Variants in PTGS2 observed in about 807,000 individuals in gnomAD.
PTGS2 encodes the protein prostaglandin-endoperoxide synthase 2.
A neutral mutation model predicts 63.8 loss-of-function variants in PTGS2; 14 were observed. The ratio of observed to expected loss-of-function variants is 0.22; its 90% confidence interval spans 0.14 to 0.34. PTGS2 has a LOEUF of 0.34. Ranked by LOEUF, PTGS2 falls within the 10% of genes least tolerant of loss-of-function variation. The pLI is 1.00. For synonymous variants in PTGS2, 271 were observed against 259.5 expected (o/e 1.04, Z -0.43); for missense variants, 533 against 738.5 (o/e 0.72, Z 3.23).
rs990175499 is a variant in PTGS2, at chr1:186,674,904, C to T, written c.1406-142G>A. On this transcript the variant is annotated intron_variant, in intron 9 of 9. Transcript: ENST00000367468. ...TCTTTTAAGAAGTTTAGGGGCCAGGCGCGGTGGCTCACGCCTGTAATCCCA... is the reference window on the plus strand; with the variant it reads ...TCTTTTAAGAAGTTTAGGGGCCAGGTGCGGTGGCTCACGCCTGTAATCCCA... 9 of 1,043,324 alleles carry T rather than the reference C, an allele frequency of 8.6e-6. No individual in the cohort carries two copies. The African/African-American group carries it at 9.7e-5, about 11-fold the overall frequency. The allele number at this position is 1,043,324 out of a possible 1,614,324, so 64.6% of individuals were successfully genotyped here.
intron 5 of PTGS2, 82 bp downstream of exon 5, chr1:186,677,567 A>ATC: frequency 7.7e-7 from 1 of 1,293,120 alleles, no homozygotes; most frequent in African/African-American, 1.5e-5. Context: ...GGATCTATCT[A>ATC]TCTGTATATC....
At position 186,676,826 on chromosome 1, in the gene PTGS2, A is replaced by G. The variant is rs71634189; in HGVS notation, c.723+7T>C. 2.2e-5 allele frequency: 35 copies of G among 1,609,226 alleles called. No individual in the cohort carries two copies. Among genetic ancestry groups the G allele is most frequent in the Non-Finnish European group, 2.8e-5 (33 of 1,178,182 alleles). ...TAACTAAGTCTTAATAGTCAAAGGA[A>G]GCATACCTGATATTTCATTTTTCCA... On this transcript the variant is annotated splice_region_variant and intron_variant, in intron 6 of 9. Coordinates refer to ENST00000367468, the MANE Select transcript of PTGS2 (RefSeq NM_000963.4).
At chr1:186,679,015 T>G in intron 3 of PTGS2, 43 bp downstream of exon 3, 1 of 1,580,688 alleles carries the variant, frequency 6.3e-7, no homozygotes, top group Non-Finnish European at 8.6e-7. Flanking sequence ...AGCATATTTT[T>G]CTTTGAGAAG....
chr1:186,676,705 A>G lies in PTGS2; in HGVS notation c.732T>C (p.Asp244=), dbSNP rs201616417. The G allele has an allele frequency of 1.5e-4, 235 of 1,604,816 alleles. No homozygotes were observed. Among genetic ancestry groups the G allele is most frequent in the Non-Finnish European group, 1.9e-4 (228 of 1,176,688 alleles). Residue 244 remains aspartate, a synonymous_variant, in exon 7 of 10, where the codon GAT becomes GAC. Transcript: ENST00000367468. ...KDGKMKYQII[D]GEMYPPTVKD... ...TGACTGTGGGAGGATACATCTCTCC[A>G]TCAATTATCTAAAAAAATAAATAAA...
intron 9 of PTGS2, 42 bp downstream of exon 9, chr1:186,675,199 AAAACAAAC>A: frequency 1.3e-6 from 2 of 1,597,156 alleles, no homozygotes; most frequent in East Asian, 2.2e-5. Context: ...AAAAACAACA[AAAACAAAC>A]AAACAAACAA....
At position 186,679,079 on chromosome 1, in the gene PTGS2, T is replaced by C. The variant is rs747123567; in HGVS notation, c.292A>G (p.Ile98Val). The C allele has an allele frequency of 6.2e-7, 1 of 1,614,036 alleles. No individual in the cohort carries two copies. Among genetic ancestry groups the C allele is most frequent in the Non-Finnish European group, 8.5e-7 (1 of 1,179,956 alleles). The change falls in exon 3 of 10, where the codon ATT becomes GTT. Residue 98 changes from isoleucine to valine, a missense_variant. By Grantham distance (29) the Ile-to-Val change is conservative. Around this residue, in one of 5 missense-constraint regions of PTGS2, gnomAD observed 118 missense variants for 144.6 expected, o/e 0.82. Transcript: ENST00000367468. ...TTACATGTCAACACATAACTCATAA[T>C]TGCATTTCGAAGGAAGGGAATGTTA... ...VNNIPFLRNA[I>V]MSYVLTSRSH... is the part of the protein sequence containing the mutation.
At chr1:186,677,960 A>T in intron 4 of PTGS2, 130 bp from the exon 5 acceptor site, 1 of 884,934 alleles carries the variant, frequency 1.1e-6, no homozygotes, top group Non-Finnish European at 1.7e-6. Context: ...AATATAAACA[A>T]CAGTTCTAAG....
At chr1:186,678,995 A>C in intron 3 of PTGS2, 63 bp downstream of exon 3, 1 of 1,503,732 alleles carries the variant, frequency 6.7e-7, no homozygotes, top group Non-Finnish European at 9.0e-7. Context: ...TTAGGCTTAC[A>C]GTATTATAAA....
intron 9 of PTGS2, 31 bp from the exon 10 acceptor site, chr1:186,674,793 C>G: frequency 6.5e-7 from 1 of 1,547,258 alleles, no homozygotes; most frequent in Non-Finnish European, 8.7e-7. Context: ...GAGATACAAC[C>G]AATGTCAAAC....
Position 186,672,200 on chromosome 1 carries a change from T to A in PTGS2, c.*2153A>T, listed in dbSNP as rs1432382992. 6.6e-6 allele frequency: 1 copy of A among 152,098 alleles called. No individual in the cohort carries two copies. The highest frequency in any genetic ancestry group is 1.5e-5 in the Non-Finnish European group (1 of 67,976). The allele number at this position is 152,098 out of a possible 1,614,324, so 9.4% of individuals were successfully genotyped here. ...CTGTAATCAGCGTTTGATTTAAAAA[T>A]ATTAAAACCCACAGTGCTTGACACA... is the stretch of plus-strand genomic sequence containing the variant. On this transcript the variant is annotated 3_prime_UTR_variant, in exon 10 of 10. Transcript: ENST00000367468.
In PTGS2 at chr1:186,674,429, T is replaced by C. The variant is rs1665743771; in HGVS notation, c.1739A>G (p.Asn580Ser). Residue 580 changes from asparagine to serine, a missense_variant, in exon 10 of 10, where the codon AAT becomes AGT. Coordinates refer to ENST00000367468, the MANE Select transcript of PTGS2 (RefSeq NM_000963.4). The stretch of plus-strand genomic sequence containing the variant: ...TAGTCCGGAGCGGGAAGAACTTGCA[T>C]TGATGGTGACTGTTTTAATGAGCTC... ...DPELIKTVTI[N>S]ASSSRSGLDD... is the part of the protein sequence containing the mutation. 4 of 1,614,100 alleles carry C rather than the reference T, an allele frequency of 2.5e-6. No homozygotes were observed. The highest frequency in any genetic ancestry group is 1.3e-5 in the African/African-American group (1 of 75,040).
At chr1:186,677,966 C>A (rs1440713166) in intron 4 of PTGS2, 136 bp from the exon 5 acceptor site, 2 of 826,684 alleles carry the variant, frequency 2.4e-6, no homozygotes, top group East Asian at 2.8e-5. Flanking sequence ...AACAACAGTT[C>A]TAAGATATGG....
At position 186,677,785 on chromosome 1, in the gene PTGS2, A is replaced by C; in HGVS notation, c.503T>G (p.Leu168Arg). 1.2e-6 allele frequency: 2 copies of C among 1,613,640 alleles called. No homozygotes were observed. The highest frequency in any genetic ancestry group is 1.7e-6 in the Non-Finnish European group (2 of 1,179,840). Residue 168 changes from leucine to arginine, a missense_variant, in exon 5 of 10, where the codon CTT (leucine) becomes CGT (arginine). Leu to Arg is a moderately radical substitution (Grantham distance 102). Around this residue, in one of 5 missense-constraint regions of PTGS2, gnomAD observed 118 missense variants for 138.7 expected, o/e 0.85. Coordinates refer to ENST00000367468, the MANE Select transcript of PTGS2 (RefSeq NM_000963.4). ...ATCAGGGATGAACTTTCTTCTTAGA[A>C]GCAATTTTTCCACAATCTCATTTGA... ...PDSNEIVEKL[L>R]LRRKFIPDPQ...
chr1:186,675,552 T>G, intron 8 of PTGS2, 156 bp from the exon 9 acceptor site: 1 of 899,620 alleles, frequency 1.1e-6, no homozygotes, highest in Non-Finnish European at 1.6e-6. Context: ...CAACAGGAGC[T>G]CTGCTTAAAA....
rs571688672 is a variant in PTGS2 at position 186,674,566 on chromosome 1, G to A, written c.1602C>T (p.Ser534=). 1 of 1,614,202 alleles carries A rather than the reference G, an allele frequency of 6.2e-7. No homozygotes were observed. The highest frequency in any genetic ancestry group is 1.7e-5 in the Admixed American group (1 of 60,022). The change falls in exon 10 of 10, where the codon AGC becomes AGT. Residue 534 remains serine, a synonymous_variant. Coordinates refer to ENST00000367468, the MANE Select transcript of PTGS2 (RefSeq NM_000963.4). The part of the protein sequence containing the change: ...VICSPAYWKP[S]TFGGEVGFQI... Reference sequence around the variant, plus strand: ...GAAAACCCACTTCTCCACCAAAAGTGCTTGGCTTCCAGTAGGCAGGAGAAC... The same window carrying A: ...GAAAACCCACTTCTCCACCAAAAGTACTTGGCTTCCAGTAGGCAGGAGAAC...
intron 8 of PTGS2, 138 bp downstream of exon 8, chr1:186,675,760 T>G: frequency 1.0e-6 from 1 of 976,076 alleles, no homozygotes; most frequent in East Asian, 2.7e-5. Flanking sequence ...AAAGTTAGGC[T>G]TCTTATATCA....
In PTGS2 at chr1:186,672,700, T is replaced by C. The variant is rs1665710452; in HGVS notation, c.*1653A>G. 1 of 152,554 alleles carries C rather than the reference T, an allele frequency of 6.6e-6. No homozygotes were observed. Among genetic ancestry groups the C allele is most frequent in the African/African-American group, 2.4e-5 (1 of 41,434 alleles). 9.5% of individuals were successfully genotyped at this position (152,554 alleles called of 1,614,324 possible). A position where few individuals can be genotyped will look rare whatever the true frequency, so the allele number is the denominator to read the frequency against. On this transcript the variant is annotated 3_prime_UTR_variant, in exon 10 of 10. Coordinates refer to ENST00000367468, the MANE Select transcript of PTGS2 (RefSeq NM_000963.4). Reference sequence around the variant, plus strand: ...TGCTGAGAACTACTTAGATATCATTTGGTTTTGTTTTTAAATAAGAAAGGG... The same window carrying C: ...TGCTGAGAACTACTTAGATATCATTCGGTTTTGTTTTTAAATAAGAAAGGG...
At position 186,680,096 on chromosome 1, in the gene PTGS2, G is replaced by T; in HGVS notation, c.52+143C>A. ...ATCCACGGAGTTCTTTCGAACTCTA[G>T]CGGTCCAAGCTCTTTCCCAAGTCAC... On this transcript the variant is annotated intron_variant, in intron 1 of 9. Transcript: ENST00000367468. 2.4e-6 allele frequency: 3 copies of T among 1,247,736 alleles called. No homozygotes were observed. The South Asian group carries it at 4.2e-5, about 18-fold the overall frequency. 77.3% of individuals were successfully genotyped at this position (1,247,736 alleles called of 1,614,324 possible). A position where few individuals can be genotyped will look rare whatever the true frequency, so the allele number is the denominator to read the frequency against.
Position 186,680,216 on chromosome 1 carries a change from G to T in PTGS2, c.52+23C>A, listed in dbSNP as rs1240225154. ...CCGGGTGCGTGGAACCGGAGTCCCC[G>T]GTGCGCGGCGCCAGGTACTCACCTG... On this transcript the variant is annotated intron_variant, in intron 1 of 9. Transcript: ENST00000367468. 4.5e-6 allele frequency: 7 copies of T among 1,549,622 alleles called. No individual in the cohort carries two copies. In the East Asian group the frequency reaches 1.7e-4, roughly 38 times the overall value.
Sources: allele counts gnomAD v4.1 joint callset, GRCh38; gene constraint gnomAD v4.1.1; regional missense constraint gnomAD v4.1.1; transcripts MANE v1.5; gene names NCBI Gene and HGNC (gene_info 2026-07-23, HGNC 2026-07-21).